PHKB: variants seen among roughly 807,000 people sequenced by gnomAD.
PHKB encodes the protein phosphorylase b kinase regulatory subunit beta.
Under a neutral mutation model 152.1 loss-of-function variants are expected in PHKB, and 122 were observed. That is an observed-to-expected ratio of 0.80 (90% CI 0.69 to 0.93). The LOEUF is 0.93. Ranked by LOEUF, PHKB falls within the 40% of genes least tolerant of loss-of-function variation. PHKB has a pLI of 0.00. For missense variants in PHKB, 1,304 were observed against 1,328.4 expected (o/e 0.98, Z 0.29); for synonymous variants, 436 against 464.9 (o/e 0.94, Z 0.80).
chr16:47,650,405 A>G, intron 18 of PHKB, 139 bp from the exon 19 acceptor site: 1 of 688,746 alleles, frequency 1.5e-6, no homozygotes, highest in Non-Finnish European at 2.7e-6. Flanking sequence ...TCTACCCCTA[A>G]GTAGTCTAAG....
chr16:47,687,479 G>A (rs1341977200), intron 26 of PHKB, among the ~76,000 whole-genome samples: 1 of 152,100 alleles, frequency 6.6e-6, no homozygotes, highest in African/African-American at 2.4e-5. Context: ...TTTTCTTTTT[G>A]ACTGACAGGA....
chr16:47,521,557 A>G (rs1213747656), intron 6 of PHKB, among the ~76,000 whole-genome samples: 1 of 152,122 alleles, frequency 6.6e-6, no homozygotes, highest in Non-Finnish European at 1.5e-5. Context: ...GGAGAGGCTG[A>G]AACAGGAGAA....
chr16:47,498,544 T>C (rs1483447612), intron 2 of PHKB, among the ~76,000 whole-genome samples: 1 of 152,128 alleles, frequency 6.6e-6, no homozygotes, highest in Non-Finnish European at 1.5e-5. Flanking sequence ...TGAGTGGTGG[T>C]GCACTCCTGT....
Position 47,461,410 on chromosome 16 carries a change from T to A in PHKB, c.60T>A (p.Ala20=). Residue 20 remains alanine (A), a synonymous_variant, in exon 1 of 31, where the codon GCT becomes GCA. Transcript: ENST00000323584. Reference sequence around the variant, plus strand: ...GCTGGAAGGTCTTGGAGCGAAGAGCTCGGACCAAGCGCTCAGGTTTGGCTG... The same window carrying A: ...GCTGGAAGGTCTTGGAGCGAAGAGCACGGACCAAGCGCTCAGGTTTGGCTG... ...EVSWKVLERR[A]RTKRSGSVYE... is the part of the protein sequence containing the mutation. 6.2e-7 allele frequency: 1 copy of A among 1,613,222 alleles called. No individual in the cohort carries two copies. The highest frequency in any genetic ancestry group is 8.5e-7 in the Non-Finnish European group (1 of 1,179,780).
chr16:47,499,357 C>A (rs1404829311), intron 2 of PHKB, among the ~76,000 whole-genome samples: 1 of 152,152 alleles, frequency 6.6e-6, no homozygotes, highest in Non-Finnish European at 1.5e-5. Context: ...GTATGCTACT[C>A]TTTCTTGTGC....
At chr16:47,681,838 G>A (rs918512792) in intron 26 of PHKB, among the ~76,000 whole-genome samples, 9 of 152,216 alleles carry the variant, frequency 5.9e-5, no homozygotes, top group South Asian at 2.1e-4. Context: ...TATTTTGCTC[G>A]TTAGTTGATG....
intron 1 of PHKB, among the ~76,000 whole-genome samples, 181 bp downstream of exon 1, chr16:47,461,607 G>A (rs1456578149): frequency 1.3e-5 from 2 of 152,202 alleles, no homozygotes; most frequent in East Asian, 3.9e-4. Flanking sequence ...TAAAAATTAG[G>A]TGGCAGAGCC....
At position 47,502,555 on chromosome 16, in the gene PHKB, A is replaced by G. The variant is rs540516649; in HGVS notation, c.306-436A>G. Among the ~76,000 whole-genome samples, 4 of 152,308 alleles carry G rather than the reference A, an allele frequency of 2.6e-5. No homozygotes were observed. The South Asian group carries it at 8.3e-4, about 32-fold the overall frequency. On this transcript the variant is annotated intron_variant, in intron 3 of 30. Transcript: ENST00000323584. Reference sequence around the variant, plus strand: ...TATTGAACACACTGCAGAGCAAAGAAAGGCAGCACCTACCTTAACTTGTGG... The same window carrying G: ...TATTGAACACACTGCAGAGCAAAGAGAGGCAGCACCTACCTTAACTTGTGG...
intron 5 of PHKB, among the ~76,000 whole-genome samples, chr16:47,514,406 A>G (rs1024230629): frequency 6.6e-5 from 10 of 152,220 alleles, no homozygotes; most frequent in Non-Finnish European, 4.4e-5. Flanking sequence ...ATGAAGGCCC[A>G]AAAGCCCAGC....
chr16:47,573,914 G>T (rs755899615), intron 7 of PHKB, among the ~76,000 whole-genome samples: 1 of 148,180 alleles, frequency 6.7e-6, no homozygotes, highest in Non-Finnish European at 1.5e-5. Context: ...GGGAGTGCAC[G>T]CAAAACAATT....
intron 13 of PHKB, among the ~76,000 whole-genome samples, chr16:47,606,501 A>G (rs924872149): frequency 2.0e-5 from 3 of 152,238 alleles, no homozygotes; most frequent in African/African-American, 7.2e-5. Flanking sequence ...TATAGCTTAC[A>G]TGCAGTAAAA....
chr16:47,657,091 A>G (rs1046225779), intron 20 of PHKB, among the ~76,000 whole-genome samples: 2 of 151,860 alleles, frequency 1.3e-5, no homozygotes, highest in African/African-American at 2.4e-5. Context: ...TTGTCCTTCT[A>G]TGACATTTTG....
At chr16:47,482,823 C>T (rs527261356) in intron 1 of PHKB, among the ~76,000 whole-genome samples, 7 of 151,822 alleles carry the variant, frequency 4.6e-5, no homozygotes, top group African/African-American at 1.2e-4. Context: ...TGGGCTCAAG[C>T]GATTCTCCCA....
Position 47,589,010 on chromosome 16 carries a change from G to C in PHKB, c.976G>C (p.Gly326Arg). 1 of 1,613,782 alleles carries C rather than the reference G, an allele frequency of 6.2e-7. No homozygotes were observed. The highest frequency in any genetic ancestry group is 8.5e-7 in the Non-Finnish European group (1 of 1,179,726). Residue 326 changes from glycine to arginine, a missense_variant, in exon 10 of 31, where the codon GGA becomes CGA. Physicochemically the swap from Gly to Arg is moderately radical, Grantham distance 125. Coordinates refer to ENST00000323584, the MANE Select transcript of PHKB (RefSeq NM_000293.3). ...TGATAAAGTGGTTAGAAAATTAAAA[G>C]GAAAATATGGATTTAAACGTTTCTT... The part of the protein sequence containing the change: ...TLDKVVRKLK[G>R]KYGFKRFLRD...
At chr16:47,618,941 G>A (rs1972569184) in intron 14 of PHKB, among the ~76,000 whole-genome samples, 1 of 152,120 alleles carries the variant, frequency 6.6e-6, no homozygotes, top group Non-Finnish European at 1.5e-5. Context: ...TAGAGAATGT[G>A]TCTTACTCTT....
intron 26 of PHKB, among the ~76,000 whole-genome samples, chr16:47,679,283 G>T (rs1470499126): frequency 6.6e-6 from 1 of 152,186 alleles, no homozygotes; most frequent in Non-Finnish European, 1.5e-5. Context: ...GTACTTTAAA[G>T]TAGTTTTTTC....
At chr16:47,554,674 G>C (rs1971336549) in intron 7 of PHKB, among the ~76,000 whole-genome samples, 1 of 152,248 alleles carries the variant, frequency 6.6e-6, no homozygotes, top group Non-Finnish European at 1.5e-5. Flanking sequence ...CTCCTGGTCT[G>C]TGTGTTGCAA....
intron 7 of PHKB, among the ~76,000 whole-genome samples, chr16:47,559,499 G>A (rs1485153097): frequency 6.6e-6 from 1 of 152,068 alleles, no homozygotes; most frequent in Non-Finnish European, 1.5e-5. Context: ...TTTTGCTCAG[G>A]GTCTCTAATG....
chr16:47,681,065 T>G (rs944811321), intron 26 of PHKB, among the ~76,000 whole-genome samples: 3 of 152,200 alleles, frequency 2.0e-5, no homozygotes, highest in Non-Finnish European at 4.4e-5. Flanking sequence ...TCAGTTTCCA[T>G]GTAGTTGAGC....
Sources: allele counts gnomAD v4.1 joint callset (sites outside exome capture counted in the v4.1 genomes callset), GRCh38; gene constraint gnomAD v4.1.1; transcripts MANE v1.5; gene names NCBI Gene and HGNC (gene_info 2026-07-23, HGNC 2026-07-21).